The following GABBR2 variants were observed in gnomAD, a reference collection of about 807,000 sequenced individuals.
GABBR2 encodes the protein gamma-aminobutyric acid type B receptor subunit 2, also known as G-protein coupled receptor 51.
Under a neutral mutation model 105.6 loss-of-function variants are expected in GABBR2, and 23 were observed. The observed-to-expected ratio is 0.22, with a 90% CI of 0.16 to 0.31. The LOEUF (loss-of-function observed/expected upper bound fraction) is 0.31. Ranked by LOEUF, GABBR2 falls within the 10% of genes least tolerant of loss-of-function variation. GABBR2 has a pLI of 1.00. For missense variants in GABBR2, 734 were observed against 1,245.5 expected (o/e 0.59, Z 6.18); for synonymous variants, 478 against 499.7 (o/e 0.96, Z 0.58).
At chr9:98,436,640 C>T (rs977941329) in intron 7 of GABBR2, among the ~76,000 whole-genome samples, 1 of 151,312 alleles carries the variant, frequency 6.6e-6, no homozygotes, top group Non-Finnish European at 1.5e-5. Flanking sequence ...CCCCGTGCTC[C>T]TCCTATTACA....
intron 7 of GABBR2, among the ~76,000 whole-genome samples, chr9:98,449,237 C>G (rs1431034459): frequency 6.6e-6 from 1 of 152,034 alleles, no homozygotes; most frequent in Non-Finnish European, 1.5e-5. Context: ...CTAAGCGAAA[C>G]CGTCTTTCCT....
chr9:98,604,754 T>C (rs904995397), intron 1 of GABBR2, among the ~76,000 whole-genome samples: 7 of 152,210 alleles, frequency 4.6e-5, no homozygotes, highest in African/African-American at 1.4e-4. Flanking sequence ...TTCCCCTTGA[T>C]AGTCATCTGT....
intron 2 of GABBR2, among the ~76,000 whole-genome samples, chr9:98,560,218 C>T (rs1828648341): frequency 6.6e-6 from 1 of 151,890 alleles, no homozygotes; most frequent in Non-Finnish European, 1.5e-5. Flanking sequence ...AAAATCAACC[C>T]CTAAACAGTG....
At chr9:98,469,197 T>C (rs1453037613) in intron 6 of GABBR2, among the ~76,000 whole-genome samples, 1 of 152,070 alleles carries the variant, frequency 6.6e-6, no homozygotes, top group Non-Finnish European at 1.5e-5. Context: ...CAGTTCTGTA[T>C]TGCTGAGGAG....
At chr9:98,524,210 A>G (rs1827917667) in intron 3 of GABBR2, among the ~76,000 whole-genome samples, 2 of 152,214 alleles carry the variant, frequency 1.3e-5, no homozygotes, top group African/African-American at 4.8e-5. Flanking sequence ...TTTCATAGAC[A>G]CACCTTTTTA....
intron 13 of GABBR2, among the ~76,000 whole-genome samples, chr9:98,356,676 T>C (rs552514088): frequency 1.8e-4 from 27 of 152,310 alleles, no homozygotes; most frequent in East Asian, 3.9e-4. Context: ...TCCAAATGAA[T>C]TGAAAATTTA....
intron 11 of GABBR2, among the ~76,000 whole-genome samples, chr9:98,385,137 T>C (rs1832048372): frequency 6.6e-6 from 1 of 152,188 alleles, no homozygotes; most frequent in Admixed American, 6.5e-5. Context: ...GATAATATTT[T>C]TCCCCTCCTT....
intron 7 of GABBR2, among the ~76,000 whole-genome samples, chr9:98,430,147 G>A (rs118102563): frequency 2.9e-3 from 447 of 152,104 alleles, no homozygotes; most frequent in Middle Eastern, 0.014. Context: ...AAAATTAGCC[G>A]GGCTTGGTGG....
In GABBR2 at chr9:98,433,850, C is replaced by T. The variant is rs1017800058; in HGVS notation, c.1236+20131G>A. 5.9e-5 allele frequency among the ~76,000 whole-genome samples: 9 copies of T among 152,040 alleles called. No homozygotes were observed. In the South Asian group the frequency reaches 1.0e-3, roughly 18 times the overall value. On this transcript the variant is annotated intron_variant, in intron 7 of 18. Transcript: ENST00000259455. ...CCTGATCTCAGGGACCAGGGCTGAA[C>T]CTTATGGAGAGAGTGGCTAGGTGGA...
intron 3 of GABBR2, chr9:98,538,732 CG>C (rs1828230941): frequency 8.6e-6 from 2 of 232,182 alleles, no homozygotes; most frequent in South Asian, 3.2e-4. Flanking sequence ...TGCACCAGTC[CG>C]GAACAGAAGT....
intron 6 of GABBR2, among the ~76,000 whole-genome samples, chr9:98,464,450 A>ATTGAGGAG (rs1200653639): frequency 2.1e-5 from 3 of 141,702 alleles, no homozygotes; most frequent in South Asian, 2.3e-4. Flanking sequence ...CCAAATGGGA[A>ATTGAGGAG]CTGAGGAGCG....
chr9:98,363,633 G>A (rs1468810291), intron 12 of GABBR2, among the ~76,000 whole-genome samples: 1 of 152,134 alleles, frequency 6.6e-6, no homozygotes, highest in Non-Finnish European at 1.5e-5. Context: ...CAGAAAGAAA[G>A]CCCATTTTAT....
chr9:98,386,892 C>T (rs1342797421), intron 10 of GABBR2, among the ~76,000 whole-genome samples: 2 of 152,216 alleles, frequency 1.3e-5, no homozygotes, highest in Admixed American at 1.3e-4. Context: ...AGGGCTTAGA[C>T]TCGGCCACTC....
rs577732161 is a variant in GABBR2, at chr9:98,427,673, A to G, written c.1237-21532T>C. On this transcript the variant is annotated intron_variant, in intron 7 of 18. Coordinates refer to ENST00000259455, the MANE Select transcript of GABBR2 (RefSeq NM_005458.8). ...TACTTTCCAAGAGTAGGTCATAAAA[A>G]GATGCCGCAGCCTCAGTTGTTTTCT... Among the ~76,000 whole-genome samples the G allele has an allele frequency of 7.2e-5, 11 of 152,254 alleles. 1 individual carries two copies. In the South Asian group the frequency reaches 2.3e-3, roughly 32 times the overall value.
chr9:98,597,411 T>G (rs1829254187), intron 1 of GABBR2, among the ~76,000 whole-genome samples: 1 of 152,214 alleles, frequency 6.6e-6, no homozygotes, highest in African/African-American at 2.4e-5. Flanking sequence ...TCCTGAAGCT[T>G]GCTATGTGGC....
Position 98,587,746 on chromosome 9 carries a change from C to T in GABBR2, c.322-9674G>A, listed in dbSNP as rs1829097396. 1.3e-5 allele frequency among the ~76,000 whole-genome samples: 2 copies of T among 152,274 alleles called. 1 individual carries two copies. The highest frequency in any genetic ancestry group is 4.1e-4 in the South Asian group (2 of 4,824). On this transcript the variant is annotated intron_variant, in intron 1 of 18. Coordinates refer to ENST00000259455, the MANE Select transcript of GABBR2 (RefSeq NM_005458.8). Reference sequence around the variant, plus strand: ...AGTTTAAAAGCCAGGATTTTAACCTCACTGCTTTTCATAATCTTTTATTAC... The same window carrying T: ...AGTTTAAAAGCCAGGATTTTAACCTTACTGCTTTTCATAATCTTTTATTAC...
In GABBR2 at chr9:98,634,619, G is replaced by A. The variant is rs1829854702; in HGVS notation, c.322-56547C>T. ...TGCCCTAGTCTTCAGAGGAAGCAGG[G>A]CCCTGCTGACACCTTAATTTTGGAC... On this transcript the variant is annotated intron_variant, in intron 1 of 18. Coordinates refer to ENST00000259455, the MANE Select transcript of GABBR2 (RefSeq NM_005458.8). Among the ~76,000 whole-genome samples, 3 of 152,180 alleles carry A rather than the reference G, an allele frequency of 2.0e-5. No homozygotes were observed. In the South Asian group the frequency reaches 6.2e-4, roughly 32 times the overall value.
intron 13 of GABBR2, among the ~76,000 whole-genome samples, chr9:98,329,416 G>A (rs995025648): frequency 6.6e-6 from 1 of 152,146 alleles, no homozygotes; most frequent in African/African-American, 2.4e-5. Flanking sequence ...TATGGAGGGA[G>A]CAAAACCAGC....
chr9:98,493,726 T>C (rs1313965713), intron 4 of GABBR2, among the ~76,000 whole-genome samples: 1 of 152,230 alleles, frequency 6.6e-6, no homozygotes, highest in Admixed American at 6.5e-5. Flanking sequence ...CAAAAGTAAC[T>C]ACCTTCCCGT....
Sources: allele counts gnomAD v4.1 joint callset (sites outside exome capture counted in the v4.1 genomes callset), GRCh38; gene constraint gnomAD v4.1.1; transcripts MANE v1.5; gene names NCBI Gene and HGNC (gene_info 2026-07-23, HGNC 2026-07-21).